PCDH9: variants seen among roughly 807,000 people sequenced by gnomAD.
The protein encoded by PCDH9 is protocadherin-9.
In PCDH9, 24 loss-of-function variants were observed where a neutral mutation model predicts 70.6. The observed-to-expected ratio is 0.34, with a 90% CI of 0.25 to 0.48. The LOEUF (loss-of-function observed/expected upper bound fraction) is 0.48, where lower values mean the gene tolerates loss of function less well. Among genes scored for constraint, PCDH9 ranks in the 20% least tolerant of loss-of-function variants. The pLI, the probability that PCDH9 is intolerant of heterozygous loss-of-function variation, is 0.99. For missense variants in PCDH9, 1,281 were observed against 1,503.6 expected (o/e 0.85, Z 2.45); for synonymous variants, 562 against 558.5 (o/e 1.01, Z -0.09).
chr13:66,866,435 T>C (rs992352778), intron 3 of PCDH9, among the ~76,000 whole-genome samples: 2 of 151,534 alleles, frequency 1.3e-5, no homozygotes, highest in African/African-American at 4.9e-5. Flanking sequence ...TGAGCTGAGA[T>C]TGCGCCACTG....
intron 2 of PCDH9, among the ~76,000 whole-genome samples, chr13:67,008,412 T>C (rs948106280): frequency 2.0e-5 from 3 of 152,140 alleles, no homozygotes; most frequent in African/African-American, 4.8e-5. Flanking sequence ...GAAGACTGTA[T>C]GTAATTATAT....
chr13:66,610,016 G>A (rs1284386458), intron 4 of PCDH9, among the ~76,000 whole-genome samples: 1 of 147,466 alleles, frequency 6.8e-6, no homozygotes, highest in Non-Finnish European at 1.5e-5. Flanking sequence ...GGAGTGCAGT[G>A]GCGAGATCTC....
chr13:67,015,266 C>T (rs934890495), intron 2 of PCDH9, among the ~76,000 whole-genome samples: 5 of 152,096 alleles, frequency 3.3e-5, no homozygotes, highest in African/African-American at 1.2e-4. Context: ...GCTTCTGTGA[C>T]TCTGTAAGCA....
At chr13:66,993,226 G>A in intron 2 of PCDH9, among the ~76,000 whole-genome samples, 1 of 151,956 alleles carries the variant, frequency 6.6e-6, no homozygotes, top group Admixed American at 6.6e-5. Flanking sequence ...ATATTTAAAA[G>A]AATAAATGAA....
chr13:67,202,833 A>G (rs1212325527), intron 2 of PCDH9: 1 of 152,078 alleles, frequency 6.6e-6, no homozygotes, highest in Non-Finnish European at 1.5e-5. Flanking sequence ...CATTTTGTCC[A>G]TATTTGCATC....
chr13:66,747,421 C>G (rs2079387528), intron 3 of PCDH9, among the ~76,000 whole-genome samples: 1 of 151,904 alleles, frequency 6.6e-6, no homozygotes, highest in African/African-American at 2.4e-5. Flanking sequence ...ATGGCATGAC[C>G]AAAACTCTTT....
chr13:66,776,435 A>G (rs994275381), intron 3 of PCDH9, among the ~76,000 whole-genome samples: 8 of 151,106 alleles, frequency 5.3e-5, no homozygotes, highest in Admixed American at 5.3e-4. Context: ...GCAAAGTCTC[A>G]GGATACAAAA....
At chr13:66,889,847 A>C (rs2082066978) in intron 3 of PCDH9, among the ~76,000 whole-genome samples, 1 of 152,126 alleles carries the variant, frequency 6.6e-6, no homozygotes, top group African/African-American at 2.4e-5. Context: ...GACTATGTAC[A>C]TCGCTTTTTG....
At chr13:66,418,252 A>T (rs983332565) in intron 4 of PCDH9, among the ~76,000 whole-genome samples, 1 of 152,230 alleles carries the variant, frequency 6.6e-6, no homozygotes, top group African/African-American at 2.4e-5. Context: ...AACACCATTT[A>T]TAAAATAGGG....
chr13:67,100,215 C>T (rs1287980220), intron 2 of PCDH9, among the ~76,000 whole-genome samples: 1 of 151,986 alleles, frequency 6.6e-6, no homozygotes, highest in East Asian at 1.9e-4. Flanking sequence ...ATGCCTATTG[C>T]TTTTTAAAAT....
At chr13:66,588,318 G>C (rs1428401972) in intron 4 of PCDH9, among the ~76,000 whole-genome samples, 4 of 151,902 alleles carry the variant, frequency 2.6e-5, no homozygotes, top group Non-Finnish European at 5.9e-5. Context: ...TTTCTTCAGA[G>C]ACAGAAATCC....
intron 2 of PCDH9, among the ~76,000 whole-genome samples, chr13:67,018,298 C>A (rs9599175): frequency 2.6e-5 from 4 of 151,974 alleles, no homozygotes; most frequent in Non-Finnish European, 5.9e-5. Flanking sequence ...TTGCATTTTT[C>A]AAAAGAAACA....
chr13:67,136,152 T>A (rs749140261), intron 2 of PCDH9, among the ~76,000 whole-genome samples: 3 of 152,086 alleles, frequency 2.0e-5, no homozygotes, highest in Non-Finnish European at 2.9e-5. Flanking sequence ...TTTAGATGGG[T>A]TTAGATACAC....
intron 4 of PCDH9, among the ~76,000 whole-genome samples, chr13:66,353,786 T>G (rs80054317): frequency 2.0e-5 from 3 of 152,304 alleles, no homozygotes; most frequent in Non-Finnish European, 4.4e-5. Flanking sequence ...CAGATACTTA[T>G]GTACACTCTT....
At chr13:66,743,568 A>G (rs1052317666) in intron 3 of PCDH9, among the ~76,000 whole-genome samples, 1 of 152,134 alleles carries the variant, frequency 6.6e-6, no homozygotes, top group Admixed American at 6.6e-5. Context: ...TAAGGCCAAG[A>G]GATCTATGGT....
intron 2 of PCDH9, among the ~76,000 whole-genome samples, chr13:66,949,095 G>C (rs2139698286): frequency 6.6e-6 from 1 of 152,202 alleles, no homozygotes; most frequent in Non-Finnish European, 1.5e-5. Flanking sequence ...GCTTTAAAGA[G>C]AGAGTTCTGC....
chr13:67,072,117 G>C (rs1378629361), intron 2 of PCDH9, among the ~76,000 whole-genome samples: 4 of 152,072 alleles, frequency 2.6e-5, no homozygotes, highest in African/African-American at 9.7e-5. Context: ...TATTAGTGAA[G>C]CTCAGAACAC....
At chr13:67,082,205 T>G (rs183352533) in intron 2 of PCDH9, among the ~76,000 whole-genome samples, 16 of 152,206 alleles carry the variant, frequency 1.1e-4, no homozygotes, top group Non-Finnish European at 1.5e-4. Context: ...TTAGTCATAT[T>G]GCATAACTGA....
chr13:67,191,014 A>G (rs2088895328), intron 2 of PCDH9, among the ~76,000 whole-genome samples: 1 of 152,108 alleles, frequency 6.6e-6, no homozygotes. Flanking sequence ...CTTGACCTCC[A>G]TTCTATTCAT....
Sources: allele counts gnomAD v4.1 joint callset (sites outside exome capture counted in the v4.1 genomes callset), GRCh38; gene constraint gnomAD v4.1.1; transcripts MANE v1.5; gene names NCBI Gene and HGNC (gene_info 2026-07-23, HGNC 2026-07-21).